Variants in PGM5 observed in about 807,000 individuals in gnomAD.
The protein encoded by PGM5 is phosphoglucomutase-like protein 5.
In PGM5, 23 loss-of-function variants were observed where a neutral mutation model predicts 59.2. The ratio of observed to expected loss-of-function variants is 0.39; its 90% CI spans 0.28 to 0.55. The LOEUF is 0.55. Ranked by LOEUF, PGM5 falls within the 20% of genes least tolerant of loss-of-function variation. The probability of loss-of-function intolerance (pLI) is 0.66; values close to 1 mark genes in which losing one functional copy is unlikely to be tolerated. For missense variants in PGM5, 574 were observed against 748.3 expected (o/e 0.77, Z 2.72); for synonymous variants, 214 against 286.0 (o/e 0.75, Z 2.54).
intron 6 of PGM5, among the ~76,000 whole-genome samples, chr9:68,451,892 C>T (rs80356294): frequency 0.036 from 5,529 of 152,244 alleles, 107 homozygotes; most frequent in African/African-American, 0.049. Context: ...TGCAAACACC[C>T]TACACTTGAA....
At chr9:68,382,805 G>A (rs1463749458) in intron 2 of PGM5, among the ~76,000 whole-genome samples, 1 of 151,738 alleles carries the variant, frequency 6.6e-6, no homozygotes, top group Non-Finnish European at 1.5e-5. Flanking sequence ...ATGGATGGTT[G>A]AATGGCATCA....
At chr9:68,375,696 T>C (rs1239564444) in intron 1 of PGM5, among the ~76,000 whole-genome samples, 1 of 152,160 alleles carries the variant, frequency 6.6e-6, no homozygotes, top group Non-Finnish European at 1.5e-5. Context: ...AAATAAATAA[T>C]ATGGAAAATG....
chr9:68,398,427 A>G (rs1242694236), intron 6 of PGM5: 1 of 152,144 alleles, frequency 6.6e-6, no homozygotes, highest in East Asian at 1.9e-4. Flanking sequence ...AAACACAAGA[A>G]GGAATGGGGA....
At chr9:68,503,177 A>G (rs1304001916) in intron 10 of PGM5, among the ~76,000 whole-genome samples, 1 of 152,244 alleles carries the variant, frequency 6.6e-6, no homozygotes, top group East Asian at 1.9e-4. Flanking sequence ...GGAAGAACAT[A>G]TGATTTGTCA....
chr9:68,419,724 G>A (rs573750550), intron 6 of PGM5, among the ~76,000 whole-genome samples: 1 of 152,308 alleles, frequency 6.6e-6, no homozygotes, highest in African/African-American at 2.4e-5. Flanking sequence ...TCAGAGCCAA[G>A]ACAGAATAAT....
At chr9:68,372,105 TTGTATTAGATTACAAAC>T (rs1483514521) in intron 1 of PGM5, among the ~76,000 whole-genome samples, 3 of 145,524 alleles carry the variant, frequency 2.1e-5, no homozygotes, top group African/African-American at 8.5e-5. Context: ...AATACAAACT[TTGTATTAGATTACAAAC>T]TTTGTATTCA....
intron 1 of PGM5, among the ~76,000 whole-genome samples, chr9:68,359,277 A>G (rs1834531293): frequency 6.6e-6 from 1 of 152,248 alleles, no homozygotes; most frequent in South Asian, 2.1e-4. Context: ...AGGTCAATAT[A>G]TGCTTAAAAT....
At chr9:68,473,710 C>A (rs1824057728) in intron 7 of PGM5, among the ~76,000 whole-genome samples, 3 of 152,128 alleles carry the variant, frequency 2.0e-5, no homozygotes, top group African/African-American at 7.2e-5. Context: ...GACCAACAAT[C>A]CTGGTTTGTC....
At chr9:68,521,577 T>C (rs1233481925) in intron 10 of PGM5, among the ~76,000 whole-genome samples, 1 of 152,116 alleles carries the variant, frequency 6.6e-6, no homozygotes. Context: ...GTGTATTCCA[T>C]GTGAAAGAAA....
intron 1 of PGM5, among the ~76,000 whole-genome samples, chr9:68,374,773 C>T (rs574568459): frequency 1.3e-5 from 2 of 152,282 alleles, no homozygotes; most frequent in South Asian, 4.2e-4. Context: ...TGTATACTTA[C>T]CATATGCCAG....
intron 9 of PGM5, among the ~76,000 whole-genome samples, chr9:68,493,521 C>T (rs530348299): frequency 5.9e-5 from 9 of 152,238 alleles, no homozygotes; most frequent in African/African-American, 2.2e-4. Context: ...AATACGTTAC[C>T]TTGAGCAAGT....
chr9:68,392,071 G>A (rs2987686), intron 5 of PGM5, among the ~76,000 whole-genome samples: 2 of 152,210 alleles, frequency 1.3e-5, no homozygotes, highest in South Asian at 2.1e-4. Flanking sequence ...GAAAGAAAGA[G>A]TTAGGTATTT....
intron 1 of PGM5, among the ~76,000 whole-genome samples, chr9:68,376,815 TTC>T (rs782291973): frequency 1.9e-5 from 2 of 103,130 alleles, no homozygotes; most frequent in African/African-American, 8.7e-5. Context: ...CTTTCTTTCT[TTC>T]TTTCTTTCTT....
At chr9:68,362,623 G>A (rs1477463349) in intron 1 of PGM5, among the ~76,000 whole-genome samples, 2 of 152,052 alleles carry the variant, frequency 1.3e-5, no homozygotes, top group African/African-American at 4.8e-5. Context: ...CTGCTTCAGA[G>A]CCTCTTCAGT....
At chr9:68,409,626 CAAAA>C (rs200067296) in intron 6 of PGM5, among the ~76,000 whole-genome samples, 1 of 138,952 alleles carries the variant, frequency 7.2e-6, no homozygotes, top group Non-Finnish European at 1.6e-5. Flanking sequence ...ATCGCAAGAA[CAAAA>C]AACCAAACAC....
At chr9:68,469,233 A>G (rs1265832958) in intron 7 of PGM5, among the ~76,000 whole-genome samples, 4 of 152,128 alleles carry the variant, frequency 2.6e-5, no homozygotes, top group African/African-American at 9.7e-5. Flanking sequence ...ACTTTTTACT[A>G]TGTGTTCTTT....
intron 9 of PGM5, chr9:68,497,474 A>G (rs1447774032): frequency 2.0e-5 from 3 of 152,292 alleles, no homozygotes; most frequent in African/African-American, 7.2e-5. Flanking sequence ...AACTAAAGCT[A>G]TTTATTTGGG....
At chr9:68,413,001 T>C (rs2258348) in intron 6 of PGM5, among the ~76,000 whole-genome samples, 30 of 152,272 alleles carry the variant, frequency 2.0e-4, no homozygotes, top group Middle Eastern at 6.8e-3. Context: ...TCAACAAGAT[T>C]GATGTGGTAG....
chr9:68,507,307 G>A (rs1468589962), intron 10 of PGM5, among the ~76,000 whole-genome samples: 5 of 152,170 alleles, frequency 3.3e-5, no homozygotes, highest in African/African-American at 4.8e-5. Flanking sequence ...AAGGAATAAT[G>A]TGAGGCGGGA....
Sources: allele counts gnomAD v4.1 joint callset (sites outside exome capture counted in the v4.1 genomes callset), GRCh38; gene constraint gnomAD v4.1.1; transcripts MANE v1.5; gene names NCBI Gene and HGNC (gene_info 2026-07-23, HGNC 2026-07-21).